The following FOXN2 variants were observed in gnomAD, a reference collection of about 807,000 sequenced individuals.
FOXN2 encodes forkhead box protein N2.
FOXN2 carries 19 observed loss-of-function variants against 41.2 expected under a neutral mutation model. That is an observed-to-expected ratio of 0.46 (90% CI 0.32 to 0.68). The LOEUF is 0.68. Among genes scored for constraint, FOXN2 ranks in the 30% least tolerant of loss-of-function variants. FOXN2 has a pLI of 0.03. For synonymous variants in FOXN2, 195 were observed against 176.8 expected, an observed-to-expected ratio of 1.10 and a Z score of -0.82; for missense variants, 587 against 509.4, an observed-to-expected ratio of 1.15 and a Z score of -1.47.
chr2:48,348,481 C>T (rs1005989436), intron 3 of FOXN2, among the ~76,000 whole-genome samples: 8 of 152,098 alleles, frequency 5.3e-5, no homozygotes, highest in Non-Finnish European at 1.2e-4. Flanking sequence ...TGGTCCATCT[C>T]TGGATCTGGT....
chr2:48,328,327 T>C (rs969804175), intron 1 of FOXN2, among the ~76,000 whole-genome samples: 1 of 152,206 alleles, frequency 6.6e-6, no homozygotes, highest in African/African-American at 2.4e-5. Flanking sequence ...AATCCACAGA[T>C]GCTCAAGTTT....
At chr2:48,331,499 A>G (rs1411868989) in intron 2 of FOXN2, among the ~76,000 whole-genome samples, 3 of 152,166 alleles carry the variant, frequency 2.0e-5, no homozygotes, top group Non-Finnish European at 4.4e-5. Context: ...GACCTATGTA[A>G]GTTATTAAAG....
At chr2:48,323,905 G>A (rs1669498957) in intron 1 of FOXN2, among the ~76,000 whole-genome samples, 1 of 152,030 alleles carries the variant, frequency 6.6e-6, no homozygotes, top group African/African-American at 2.4e-5. Flanking sequence ...TTTGTATATG[G>A]TGAGAGATGG....
chr2:48,363,332 A>G (rs1672321162), intron 5 of FOXN2, among the ~76,000 whole-genome samples: 1 of 152,174 alleles, frequency 6.6e-6, no homozygotes, highest in East Asian at 1.9e-4. Context: ...ATACAGCTGT[A>G]TTATGTATTT....
At chr2:48,357,867 A>G (rs1671907744) in intron 3 of FOXN2, among the ~76,000 whole-genome samples, 1 of 127,518 alleles carries the variant, frequency 7.8e-6, no homozygotes, top group South Asian at 2.1e-4. Flanking sequence ...TTATTGAAAA[A>G]AAAAAAAAAA....
At position 48,346,503 on chromosome 2, in the gene FOXN2, G is replaced by C. The variant is rs765168717; in HGVS notation, c.289G>C (p.Gly97Arg). The change falls in exon 3 of 7, where the codon GGA becomes CGA. Residue 97 changes from glycine (G) to arginine (R), a missense_variant. Transcript: ENST00000340553. ...DIEGDDVPSFGPACYQNPEKK... is the reference protein window; with the variant it reads ...DIEGDDVPSFRPACYQNPEKK... The stretch of plus-strand genomic sequence containing the variant: ...AGAGGGAGATGATGTGCCATCCTTT[G>C]GACCAGCTTGCTACCAGAACCCAGA... 3.7e-6 allele frequency: 6 copies of C among 1,613,892 alleles called. No homozygotes were observed. The highest frequency in any genetic ancestry group is 5.1e-6 in the Non-Finnish European group (6 of 1,179,996).
intron 3 of FOXN2, among the ~76,000 whole-genome samples, chr2:48,354,552 A>C (rs1323605381): frequency 6.6e-6 from 1 of 152,230 alleles, no homozygotes. Context: ...GTGAGCCGAG[A>C]CTGTGCCACT....
intron 1 of FOXN2, among the ~76,000 whole-genome samples, chr2:48,324,339 C>T (rs1014710306): frequency 2.0e-5 from 3 of 152,164 alleles, no homozygotes; most frequent in African/African-American, 7.2e-5. Context: ...GGATTACAGG[C>T]ACCTACCACT....
intron 1 of FOXN2, among the ~76,000 whole-genome samples, chr2:48,324,194 A>ATTTTTTTTT (rs11407371): frequency 1.5e-5 from 2 of 132,360 alleles, no homozygotes; most frequent in African/African-American, 2.9e-5. Context: ...TTGCTCAGTA[A>ATTTTTTTTT]TTTTTTTTTT....
chr2:48,330,323 A>G (rs1669949443), intron 2 of FOXN2, among the ~76,000 whole-genome samples: 1 of 152,136 alleles, frequency 6.6e-6, no homozygotes, highest in Non-Finnish European at 1.5e-5. Flanking sequence ...AATTTCTTTT[A>G]TTATGTATTA....
intron 4 of FOXN2, among the ~76,000 whole-genome samples, chr2:48,362,060 A>T (rs956577969): frequency 1.3e-5 from 2 of 152,154 alleles, no homozygotes; most frequent in Non-Finnish European, 2.9e-5. Context: ...TATGTGGGAG[A>T]TTTAATTATT....
At chr2:48,317,109 C>A (rs1409924867) in intron 1 of FOXN2, among the ~76,000 whole-genome samples, 1 of 152,084 alleles carries the variant, frequency 6.6e-6, no homozygotes, top group East Asian at 1.9e-4. Flanking sequence ...GGAGGCTCTC[C>A]TGAGATCAGG....
In FOXN2 at chr2:48,346,736, A is replaced by G. The variant is rs35742253; in HGVS notation, c.522A>G (p.Glu174=). The change falls in exon 3 of 7, where the codon GAA becomes GAG. Residue 174 remains glutamate (E), a synonymous_variant. Transcript: ENST00000340553. ...LSLNKCFQKV[E]RSHGKVNGKG... ...TGAATAAATGTTTTCAGAAAGTGGA[A>G]AGAAGCCATGGCAAGGTCAGTGTTT... 9.8e-3 allele frequency: 15,595 copies of G among 1,591,088 alleles called. 94 individuals are homozygous for G. Among genetic ancestry groups the G allele is most frequent in the Middle Eastern group, 0.015 (88 of 5,908 alleles).
At chr2:48,362,279 A>G (rs1161638601) in intron 4 of FOXN2, among the ~76,000 whole-genome samples, 1 of 152,254 alleles carries the variant, frequency 6.6e-6, no homozygotes, top group Non-Finnish European at 1.5e-5. Context: ...ATAAAAAGTG[A>G]AATAGTTGGG....
intron 3 of FOXN2, among the ~76,000 whole-genome samples, chr2:48,353,594 GT>G (rs1428230945): frequency 1.3e-5 from 2 of 148,520 alleles, no homozygotes; most frequent in Non-Finnish European, 3.0e-5. Flanking sequence ...GTGTGTGTGT[GT>G]GTGTGTGTGT....
At chr2:48,338,375 G>C (rs1427458272) in intron 2 of FOXN2, among the ~76,000 whole-genome samples, 1 of 150,594 alleles carries the variant, frequency 6.6e-6, no homozygotes, top group Non-Finnish European at 1.5e-5. Flanking sequence ...TGGTGGATAG[G>C]TTCTCCTAAC....
chr2:48,318,492 A>G (rs1221358844), intron 1 of FOXN2, among the ~76,000 whole-genome samples: 1 of 152,182 alleles, frequency 6.6e-6, no homozygotes, highest in African/African-American at 2.4e-5. Context: ...CGACATGATA[A>G]AACTGATGAC....
chr2:48,360,940 G>C (rs1168809213), intron 4 of FOXN2, among the ~76,000 whole-genome samples: 2 of 151,138 alleles, frequency 1.3e-5, no homozygotes, highest in Non-Finnish European at 2.9e-5. Context: ...TTTGAGCCTG[G>C]GAGGCAGATG....
rs762558339 is a variant in FOXN2, at chr2:48,375,288, T to G, written c.1141T>G (p.Ser381Ala). The G allele has an allele frequency of 1.9e-6, 3 of 1,613,804 alleles. No individual in the cohort carries two copies. Among genetic ancestry groups the G allele is most frequent in the Non-Finnish European group, 2.5e-6 (3 of 1,179,980 alleles). The stretch of plus-strand genomic sequence containing the variant: ...TGCAAAAATCTCTGAAAAAGGGCAG[T>G]CAGGCAAAAAGATGCGAAAACAGAC... ...PCAKISEKGQ[S>A]GKKMRKQTCQ... Residue 381 changes from serine (S) to alanine (A), a missense_variant, in exon 7 of 7, where the codon TCA becomes GCA. Physicochemically the swap from Ser to Ala is moderately conservative, Grantham distance 99. Transcript: ENST00000340553.
Sources: gnomAD v4.1 joint callset for allele counts (sites outside exome capture counted in the v4.1 genomes callset) on GRCh38, gnomAD v4.1.1 for gene constraint, MANE v1.5 for transcripts, NCBI Gene and HGNC (gene_info 2026-07-23, HGNC 2026-07-21) for gene names.